The following SLC12A7 variants were observed in gnomAD, a reference collection of about 807,000 sequenced individuals.
The protein encoded by SLC12A7 is solute carrier family 12 member 7, also known as K-Cl cotransporter 4.
Under a neutral mutation model 120.6 loss-of-function variants are expected in SLC12A7, and 100 were observed. That is an observed-to-expected ratio of 0.83 (90% CI 0.71 to 0.98). The LOEUF is 0.98. Among genes scored for constraint, SLC12A7 ranks in the 50% least tolerant of loss-of-function variants. SLC12A7 has a pLI of 0.00. For missense variants in SLC12A7, 1,373 were observed against 1,548.1 expected (o/e 0.89, Z 1.90); for synonymous variants, 760 against 678.0 (o/e 1.12, Z -1.88).
the SLC12A7 span, among the ~76,000 whole-genome samples, chr5:1,155,279 G>A: frequency 6.6e-6 from 1 of 152,162 alleles, no homozygotes; most frequent in South Asian, 2.1e-4. Flanking sequence ...AGGCCTCAGG[G>A]ACCCGCCGTG....
rs1734972934 is a variant in SLC12A7 at position 1,050,977 on chromosome 5, TGG to T, written c.*1381_*1382del. The T allele has an allele frequency of 7.5e-6, 3 of 398,670 alleles. No homozygotes were observed. 24.7% of individuals were successfully genotyped at this position (398,670 alleles called of 1,614,324 possible). A position where few individuals can be genotyped will look rare whatever the true frequency, so the allele number is the denominator to read the frequency against. ...AGACGTAGCCCAAGGCCTGGCCATC[TGG>T]GGCCTCTAGTATATAGAAGCAACCT... is the stretch of plus-strand genomic sequence containing the variant. On this transcript the variant is annotated 3_prime_UTR_variant, in exon 24 of 24. Transcript: ENST00000264930.
intron 9 of SLC12A7, among the ~76,000 whole-genome samples, chr5:1,081,145 A>T (rs914919144): frequency 1.7e-4 from 26 of 152,124 alleles, no homozygotes; most frequent in African/African-American, 5.6e-4. Flanking sequence ...TGACAGAGAC[A>T]GAGAAATGGA....
chr5:1,106,371 T>C (rs1742528584), intron 1 of SLC12A7, among the ~76,000 whole-genome samples: 1 of 148,696 alleles, frequency 6.7e-6, no homozygotes, highest in African/African-American at 2.5e-5. Context: ...GAGAATCGCT[T>C]GAACCTGGGA....
At chr5:1,143,021 T>A in the SLC12A7 span, among the ~76,000 whole-genome samples, 3 of 151,918 alleles carry the variant, frequency 2.0e-5, no homozygotes, top group Non-Finnish European at 4.4e-5. Flanking sequence ...AAAGAAGGCT[T>A]GTTCCCGTGC....
the SLC12A7 span, among the ~76,000 whole-genome samples, chr5:1,125,892 TCTA>T: frequency 7.0e-6 from 1 of 142,396 alleles, no homozygotes; most frequent in African/African-American, 2.7e-5. Context: ...ATCACTGCAC[TCTA>T]GCCTGACAAC....
At chr5:1,064,889 TGGTGAGGGGACCGCGAGGGGAC>T (rs1736815054) in intron 18 of SLC12A7, among the ~76,000 whole-genome samples, 1 of 57,284 alleles carries the variant, frequency 1.7e-5, no homozygotes, top group Non-Finnish European at 3.3e-5. Flanking sequence ...GGCGAGGAGA[TGGTGAGGGGACCGCGAGGGGAC>T]GGCGAGGAGA....
chr5:1,099,717 C>CGT (rs1302002018), intron 1 of SLC12A7, among the ~76,000 whole-genome samples: 1 of 152,226 alleles, frequency 6.6e-6, no homozygotes, highest in Non-Finnish European at 1.5e-5. Flanking sequence ...ACATCACAGC[C>CGT]GTGGCCTGCC....
chr5:1,134,807 G>A, the SLC12A7 span, among the ~76,000 whole-genome samples: 3 of 152,168 alleles, frequency 2.0e-5, no homozygotes, highest in South Asian at 2.1e-4. Flanking sequence ...AAAACAAGTC[G>A]GTCCACACAG....
chr5:1,115,611 T>C (rs1462219924), upstream of SLC12A7, among the ~76,000 whole-genome samples: 1 of 152,094 alleles, frequency 6.6e-6, no homozygotes, highest in African/African-American at 2.4e-5. Flanking sequence ...AGGATGCAGG[T>C]GGGGCTGGCA....
chr5:1,073,302 C>A (rs1322511267), intron 17 of SLC12A7, among the ~76,000 whole-genome samples: 5 of 142,270 alleles, frequency 3.5e-5, no homozygotes, highest in Admixed American at 6.7e-5. Flanking sequence ...ACTTATGCAG[C>A]CCCCAGTGAG....
rs556981133 is a variant in SLC12A7, at chr5:1,056,820, C to A, written c.3026+651G>T. On this transcript the variant is annotated intron_variant, in intron 22 of 23. Coordinates refer to ENST00000264930, the MANE Select transcript of SLC12A7 (RefSeq NM_006598.3). ...GAACTCAGAGGCTGCGTCTGCAGAA[C>A]CAAACCCACACCCGCAAGGACCCTG... Among the ~76,000 whole-genome samples, 10 of 152,324 alleles carry A rather than the reference C, an allele frequency of 6.6e-5. No individual in the cohort carries two copies. The East Asian group carries it at 1.9e-3, about 29-fold the overall frequency.
At chr5:1,076,571 C>T (rs1561061962) in intron 13 of SLC12A7, 123 bp downstream of exon 13, 1 of 740,600 alleles carries the variant, frequency 1.4e-6, no homozygotes, top group South Asian at 1.7e-5. Context: ...CCGGCAGGAT[C>T]CTGACTGCCC....
the SLC12A7 span, among the ~76,000 whole-genome samples, chr5:1,146,631 C>A: frequency 6.6e-6 from 1 of 152,080 alleles, no homozygotes; most frequent in African/African-American, 2.4e-5. This position sits in a 1 kb window ranked among gnomAD's most constrained non-coding sequence, Gnocchi z 6.5. Context: ...TTAGGAAAAG[C>A]CGACCAGCAG....
chr5:1,118,628 C>G, the SLC12A7 span, among the ~76,000 whole-genome samples: 1 of 152,220 alleles, frequency 6.6e-6, no homozygotes, highest in Non-Finnish European at 1.5e-5. Flanking sequence ...GGGGATGCCT[C>G]TTGCCAGGAA....
chr5:1,059,176 A>AG (rs1477337755), intron 21 of SLC12A7, among the ~76,000 whole-genome samples: 1 of 152,192 alleles, frequency 6.6e-6, no homozygotes, highest in African/African-American at 2.4e-5. Context: ...CCCCCGTGGA[A>AG]GGGGTCTCTG....
intron 11 of SLC12A7, 82 bp from the exon 12 acceptor site, chr5:1,078,089 AGG>A: frequency 1.4e-6 from 2 of 1,461,758 alleles, no homozygotes; most frequent in Non-Finnish European, 1.8e-6. Flanking sequence ...ACCCAGAGCG[AGG>A]GGCCCAGTGC....
intron 10 of SLC12A7, 28 bp downstream of exon 10, chr5:1,079,370 A>G: frequency 6.3e-7 from 1 of 1,577,414 alleles, no homozygotes; most frequent in Non-Finnish European, 8.7e-7. Flanking sequence ...AGAGGCTGGA[A>G]CCCTCGCCTG....
At chr5:1,079,549 G>C in intron 9 of SLC12A7, 53 bp from the exon 10 acceptor site, 17 of 1,403,914 alleles carry the variant, frequency 1.2e-5, no homozygotes, top group Non-Finnish European at 1.5e-5. Flanking sequence ...AGTGCCATGT[G>C]ATGGCAGCCC....
At chr5:1,065,165 G>A (rs1448841990) in intron 18 of SLC12A7, 118 bp downstream of exon 18, 3 of 807,174 alleles carry the variant, frequency 3.7e-6, no homozygotes, top group East Asian at 5.4e-5. Flanking sequence ...GACGAAAAGG[G>A]GACAGTGAGA....
Sources: allele counts gnomAD v4.1 joint callset (sites outside exome capture counted in the v4.1 genomes callset), GRCh38; gene constraint gnomAD v4.1.1; non-coding constraint Gnocchi (gnomAD v3.1); transcripts MANE v1.5; gene names NCBI Gene and HGNC (gene_info 2026-07-23, HGNC 2026-07-21).